The following LINGO2 variants were observed in gnomAD, a reference collection of about 807,000 sequenced individuals.
The protein encoded by LINGO2 is leucine rich repeat and Ig domain containing 2.
In LINGO2, 14 loss-of-function variants were observed where a neutral mutation model predicts 30.6. The observed-to-expected ratio is 0.46, with a 90% CI of 0.30 to 0.72. The LOEUF is 0.72. Ranked by LOEUF, LINGO2 falls within the 30% of genes least tolerant of loss-of-function variation. The pLI is 0.07. For synonymous variants in LINGO2, 317 were observed against 288.5 expected (o/e 1.10, Z -1.00); for missense variants, 729 against 751.7 (o/e 0.97, Z 0.35).
At chr9:28,228,027 C>T (rs1034287297) in intron 4 of LINGO2, among the ~76,000 whole-genome samples, 3 of 151,968 alleles carry the variant, frequency 2.0e-5, no homozygotes, top group South Asian at 4.2e-4. Context: ...ATCATCAGAT[C>T]GATAGATGAT....
At chr9:28,194,499 A>G (rs1381290249) in intron 4 of LINGO2, among the ~76,000 whole-genome samples, 1 of 150,250 alleles carries the variant, frequency 6.7e-6, no homozygotes, top group East Asian at 2.0e-4. Context: ...AGAGTACATT[A>G]TCTCAATCAC....
chr9:28,770,886 G>C, the LINGO2 span, among the ~76,000 whole-genome samples: 1 of 152,268 alleles, frequency 6.6e-6, no homozygotes, highest in East Asian at 1.9e-4. Context: ...TTTGTCATTA[G>C]CATCACCTTC....
chr9:28,243,100 A>T (rs1361205731), intron 4 of LINGO2, among the ~76,000 whole-genome samples: 1 of 152,182 alleles, frequency 6.6e-6, no homozygotes, highest in Non-Finnish European at 1.5e-5. Flanking sequence ...TCATGATAAC[A>T]GAATCAAATT....
chr9:28,414,064 T>G (rs1230573354), intron 2 of LINGO2, among the ~76,000 whole-genome samples: 1 of 152,070 alleles, frequency 6.6e-6, no homozygotes, highest in Non-Finnish European at 1.5e-5. Context: ...AAGCAGCAGC[T>G]TGTTTTTTAA....
intron 4 of LINGO2, among the ~76,000 whole-genome samples, chr9:28,238,871 A>T (rs1821676208): frequency 1.3e-5 from 2 of 152,050 alleles, no homozygotes; most frequent in African/African-American, 4.8e-5. Context: ...TGAAAAGATG[A>T]ACAAAATTAA....
chr9:28,147,254 C>A lies in LINGO2; in HGVS notation c.-86-134849G>T, dbSNP rs893964584. On this transcript the variant is annotated intron_variant, in intron 4 of 5. Transcript: ENST00000379992. The surrounding 1 kb of genome is among the most constrained non-coding windows in gnomAD (Gnocchi z 4.7). ...TGATCATGAGGCACACAGGCCAGAG[C>A]GCCAGCTGTGGAATCGCACAGCCTG... Among the ~76,000 whole-genome samples the A allele has an allele frequency of 6.6e-6, 1 of 152,184 alleles. No individual in the cohort carries two copies. Among genetic ancestry groups the A allele is most frequent in the Non-Finnish European group, 1.5e-5 (1 of 68,022 alleles).
intron 1 of LINGO2, among the ~76,000 whole-genome samples, chr9:28,664,176 G>T (rs1472322317): frequency 6.6e-6 from 1 of 152,050 alleles, no homozygotes; most frequent in Admixed American, 6.6e-5. Context: ...ATAAAATAAT[G>T]CTAGGGATAA....
At chr9:28,401,633 T>A (rs534608865) in intron 2 of LINGO2, among the ~76,000 whole-genome samples, 2 of 152,316 alleles carry the variant, frequency 1.3e-5, no homozygotes, top group East Asian at 3.9e-4. Context: ...TAATTTATAA[T>A]ACTTTGGGTA....
At chr9:28,934,711 AAGT>A in the LINGO2 span, among the ~76,000 whole-genome samples, 3 of 10,622 alleles carry the variant, frequency 2.8e-4, no homozygotes, top group South Asian at 1.4e-3. Flanking sequence ...AAAACAACGA[AAGT>A]AAGACAATAG....
chr9:28,695,257 C>T, the LINGO2 span, among the ~76,000 whole-genome samples: 4 of 151,772 alleles, frequency 2.6e-5, no homozygotes, highest in Admixed American at 6.6e-5. Flanking sequence ...AAGTGATAAA[C>T]ATATAAAGTG....
chr9:28,677,406 T>G, the LINGO2 span, among the ~76,000 whole-genome samples: 3 of 152,316 alleles, frequency 2.0e-5, no homozygotes, highest in Non-Finnish European at 4.4e-5. Flanking sequence ...CTATTCCTGC[T>G]TACTTTATCT....
chr9:28,278,786 G>A (rs553700587), intron 4 of LINGO2, among the ~76,000 whole-genome samples: 3 of 152,266 alleles, frequency 2.0e-5, no homozygotes, highest in African/African-American at 7.2e-5. Context: ...ATGAATCAAG[G>A]AGTAGTTTTG....
chr9:28,654,747 G>A (rs73644094), intron 1 of LINGO2, among the ~76,000 whole-genome samples: 1,953 of 152,126 alleles, frequency 0.013, 43 homozygotes, highest in African/African-American at 0.044. Flanking sequence ...AGACTGTCTA[G>A]ATTTGACTCA....
chr9:28,750,891 T>C, the LINGO2 span, among the ~76,000 whole-genome samples: 1 of 152,044 alleles, frequency 6.6e-6, no homozygotes, highest in African/African-American at 2.4e-5. Context: ...GCTATGGCCA[T>C]TCTTTTGACC....
intron 4 of LINGO2, among the ~76,000 whole-genome samples, chr9:28,074,093 T>C (rs898471458): frequency 6.6e-6 from 1 of 152,136 alleles, no homozygotes; most frequent in African/African-American, 2.4e-5. Flanking sequence ...GGGAATTCTG[T>C]TGTCTAGCCG....
chr9:29,209,264 A>T, the LINGO2 span, among the ~76,000 whole-genome samples: 4 of 152,180 alleles, frequency 2.6e-5, no homozygotes. Flanking sequence ...GTGAAGTTGC[A>T]GCGAGACACA....
chr9:28,581,514 G>T (rs1360337209), intron 1 of LINGO2, among the ~76,000 whole-genome samples: 4 of 150,412 alleles, frequency 2.7e-5, no homozygotes, highest in Admixed American at 1.3e-4. Flanking sequence ...AGTAAATTGT[G>T]ATATATATAT....
chr9:27,991,930 C>T (rs1234380873), intron 5 of LINGO2, among the ~76,000 whole-genome samples: 1 of 152,064 alleles, frequency 6.6e-6, no homozygotes, highest in African/African-American at 2.4e-5. Context: ...TTGCTTTCAC[C>T]TGTCTCTCAA....
the LINGO2 span, among the ~76,000 whole-genome samples, chr9:28,935,470 A>C: frequency 0.74 from 112,351 of 151,836 alleles, 41,719 homozygotes; most frequent in Non-Finnish European, 0.78. Context: ...TTAAAAGTTA[A>C]GGCAATGTAA....
Sources: allele counts gnomAD v4.1 joint callset (sites outside exome capture counted in the v4.1 genomes callset), GRCh38; gene constraint gnomAD v4.1.1; non-coding constraint Gnocchi (gnomAD v3.1); transcripts MANE v1.5; gene names NCBI Gene and HGNC (gene_info 2026-07-23, HGNC 2026-07-21).